Variants in AKR1D1 observed in about 807,000 individuals in gnomAD.
AKR1D1 encodes aldo-keto reductase family 1 member D1.
In AKR1D1, 32 loss-of-function variants were observed where a neutral mutation model predicts 42.6. The observed-to-expected ratio is 0.75, with a 90% confidence interval of 0.57 to 1.01. AKR1D1 has a LOEUF of 1.01. Ranked by LOEUF, AKR1D1 falls within the 50% of genes least tolerant of loss-of-function variation. The probability of loss-of-function intolerance (pLI) is 0.00; values close to 1 mark genes in which losing one functional copy is unlikely to be tolerated. For synonymous variants in AKR1D1, 123 were observed against 135.5 expected (o/e 0.91, Z 0.64); for missense variants, 364 against 402.2 (o/e 0.91, Z 0.81).
rs59361346 is a variant in AKR1D1 at position 138,100,088 on chromosome 7, C to CAAAAAAAAAAAAAAAAAAA, written c.456+2157_456+2175dup. 2.1e-4 allele frequency among the ~76,000 whole-genome samples: 9 copies of CAAAAAAAAAAAAAAAAAAA among 43,568 alleles called. 1 individual carries two copies. The highest frequency in any genetic ancestry group is 2.9e-4 in the African/African-American group (3 of 10,300). The allele number at this position is 43,568 out of a possible 152,430, so 28.6% of individuals were successfully genotyped here. A position where few individuals can be genotyped will look rare whatever the true frequency, so the allele number is the denominator to read the frequency against. ...TGGGCAATATAGCGAGATTTCATCT[C>CAAAAAAAAAAAAAAAAAAA]AAAAAAAAAAAAAAAAAAAAAAAAA... On this transcript the variant is annotated intron_variant, in intron 4 of 8. Transcript: ENST00000242375.
Position 138,098,593 on chromosome 7 carries a change from G to A in AKR1D1, c.456+650G>A, listed in dbSNP as rs140649052. On this transcript the variant is annotated intron_variant, in intron 4 of 8. Transcript: ENST00000242375. ...CCACTGCACTCCAGCCTGGGCGACA[G>A]AGCAAGATGCCGTCTCAAAAACAGG... Among the ~76,000 whole-genome samples, 672 of 152,296 alleles carry A rather than the reference G, an allele frequency of 4.4e-3. 5 individuals are homozygous for A. Among genetic ancestry groups the A allele is most frequent in the African/African-American group, 0.015 (616 of 41,570 alleles).
chr7:138,082,015 G>C (rs1803069498), intron 1 of AKR1D1, among the ~76,000 whole-genome samples: 1 of 152,206 alleles, frequency 6.6e-6, no homozygotes, highest in Non-Finnish European at 1.5e-5. Flanking sequence ...TGGTGACTAG[G>C]AGGCAATATG....
At position 138,107,592 on chromosome 7, in the gene AKR1D1, G is replaced by T. The variant is rs751069310; in HGVS notation, c.855+12G>T. On this transcript the variant is annotated intron_variant, in intron 7 of 8. Transcript: ENST00000242375. Reference sequence around the variant, plus strand: ...AAGAAAATTTTCAGGTAAGAGAATTGCTTTTGGAGATGTGAAAAGATGGGT... The same window carrying T: ...AAGAAAATTTTCAGGTAAGAGAATTTCTTTTGGAGATGTGAAAAGATGGGT... 4 of 1,612,962 alleles carry T rather than the reference G, an allele frequency of 2.5e-6. No homozygotes were observed. Among genetic ancestry groups the T allele is most frequent in the Non-Finnish European group, 3.4e-6 (4 of 1,179,822 alleles).
rs78329986 is a variant in AKR1D1, at chr7:138,103,328, C to G, written c.457-1979C>G. Among the ~76,000 whole-genome samples, 3 of 151,926 alleles carry G rather than the reference C, an allele frequency of 2.0e-5. No homozygotes were observed. In the Middle Eastern group the frequency reaches 0.01, roughly 517 times the overall value. ...ATCAAATAATAAAAGGAAAATGAAC[C>G]CATAATACGCTACAATTAAAGTTTA... On this transcript the variant is annotated intron_variant, in intron 4 of 8. Transcript: ENST00000242375.
At chr7:138,113,554 C>T (rs975269820) in intron 7 of AKR1D1, 136 bp from the exon 8 acceptor site, 6 of 736,074 alleles carry the variant, frequency 8.2e-6, no homozygotes, top group Admixed American at 2.0e-5. Context: ...CAGTGGGTAG[C>T]CCCCCAACAC....
Position 138,088,670 on chromosome 7 carries a change from G to A in AKR1D1, c.163G>A (p.Ala55Thr), listed in dbSNP as rs777304335. ...IDTGYRHIDG[A>T]YIYQNEHEVG... ...CACAGGGTACCGACATATTGATGGG[G>A]CCTACATCTACCAAAATGAACACGA... The change falls in exon 2 of 9, where the codon GCC becomes ACC. Residue 55 changes from alanine to threonine, a missense_variant. Ala to Thr is a moderately conservative substitution (Grantham distance 58). Transcript: ENST00000242375. The A allele has an allele frequency of 1.2e-6, 2 of 1,614,090 alleles. No homozygotes were observed. The highest frequency in any genetic ancestry group is 1.7e-6 in the Non-Finnish European group (2 of 1,180,012).
At chr7:138,107,642 G>C (rs1187867939) in intron 7 of AKR1D1, 62 bp downstream of exon 7, 1 of 1,572,390 alleles carries the variant, frequency 6.4e-7, no homozygotes, top group African/African-American at 1.4e-5. Context: ...TGCTTTTATA[G>C]AATGTGTTCA....
At chr7:138,085,279 A>G (rs1359284153) in intron 1 of AKR1D1, among the ~76,000 whole-genome samples, 1 of 152,002 alleles carries the variant, frequency 6.6e-6, no homozygotes, top group Non-Finnish European at 1.5e-5. Context: ...CTTTTAGAAG[A>G]GACTCCCTGG....
chr7:138,076,567 A>G lies in AKR1D1; in HGVS notation c.49A>G (p.Ser17Gly), dbSNP rs143960528. ...SHRIPLSDGN[S>G]IPIIGLGTYS... is the part of the protein sequence containing the mutation. ...CCGCATACCTCTAAGTGATGGAAAC[A>G]GCATTCCCATCATCGGACTTGGTAC... The change falls in exon 1 of 9, where the codon AGC becomes GGC. Residue 17 changes from serine to glycine, a missense_variant. Coordinates refer to ENST00000242375, the MANE Select transcript of AKR1D1 (RefSeq NM_005989.4). 159 of 1,613,674 alleles carry G rather than the reference A, an allele frequency of 9.9e-5. 1 individual carries two copies. In the African/African-American group the frequency reaches 2.0e-3, roughly 20 times the overall value.
At chr7:138,089,048 A>T (rs754702458) in intron 2 of AKR1D1, among the ~76,000 whole-genome samples, 7 of 152,028 alleles carry the variant, frequency 4.6e-5, no homozygotes, top group Non-Finnish European at 8.8e-5. Flanking sequence ...GGAGAGAAAG[A>T]GGGTTTTAAA....
At chr7:138,077,872 C>G (rs776051255) in intron 1 of AKR1D1, among the ~76,000 whole-genome samples, 1 of 152,154 alleles carries the variant, frequency 6.6e-6, no homozygotes, top group Non-Finnish European at 1.5e-5. Context: ...GTGCCTGGCA[C>G]AGGGAGTTAA....
At chr7:138,091,388 T>G (rs1794074308) in intron 2 of AKR1D1, 1 of 302,698 alleles carries the variant, frequency 3.3e-6, no homozygotes, top group Non-Finnish European at 6.4e-6. Context: ...TTAGGTCAAG[T>G]GTATGTGAGT....
chr7:138,091,835 A>C lies in AKR1D1; in HGVS notation c.329A>C (p.Gln110Pro), dbSNP rs1268021700. The C allele has an allele frequency of 5.0e-6, 8 of 1,614,032 alleles. No homozygotes were observed. The highest frequency in any genetic ancestry group is 5.9e-6 in the Non-Finnish European group (7 of 1,179,992). The change falls in exon 3 of 9, where the codon CAG (glutamine) becomes CCG (proline). Residue 110 changes from glutamine to proline, a missense_variant. Coordinates refer to ENST00000242375, the MANE Select transcript of AKR1D1 (RefSeq NM_005989.4). ...CTGGAGAGGACACTCAGGGTCCTCCAGCTAGATTATGTGGATCTTTACATC... is the reference window on the plus strand; with the variant it reads ...CTGGAGAGGACACTCAGGGTCCTCCCGCTAGATTATGTGGATCTTTACATC... ...PTLERTLRVL[Q>P]LDYVDLYIIE...
chr7:138,113,605 A>T, intron 7 of AKR1D1, 85 bp from the exon 8 acceptor site: 1 of 1,125,444 alleles, frequency 8.9e-7, no homozygotes, highest in South Asian at 1.3e-5. Flanking sequence ...ATATTCATAC[A>T]TCTTTGGAAG....
rs142399856 is a variant in AKR1D1 at position 138,110,858 on chromosome 7, A to T, written c.856-2832A>T. Among the ~76,000 whole-genome samples the T allele has an allele frequency of 2.9e-3, 434 of 152,096 alleles. 3 individuals carry two copies. The highest frequency in any genetic ancestry group is 8.2e-3 in the African/African-American group (341 of 41,486). Reference sequence around the variant, plus strand: ...AGGATATTTTAAAAGTTAAAATTTTAAAAAAAAGAAATTATACCAGGTGTG... The same window carrying T: ...AGGATATTTTAAAAGTTAAAATTTTTAAAAAAAGAAATTATACCAGGTGTG... On this transcript the variant is annotated intron_variant, in intron 7 of 8. Transcript: ENST00000242375.
At chr7:138,109,904 G>A (rs928670835) in intron 7 of AKR1D1, among the ~76,000 whole-genome samples, 1 of 152,052 alleles carries the variant, frequency 6.6e-6, no homozygotes, top group African/African-American at 2.4e-5. Context: ...CTAGCAAATC[G>A]CAATTTTGTA....
At chr7:138,085,054 CAAAAAAAAA>C (rs58253168) in intron 1 of AKR1D1, among the ~76,000 whole-genome samples, 2 of 70,824 alleles carry the variant, frequency 2.8e-5, no homozygotes, top group Non-Finnish European at 4.8e-5. Flanking sequence ...GACTCCGTCT[CAAAAAAAAA>C]AAAAAAAAAA....
chr7:138,096,110 T>G (rs1352143392), intron 3 of AKR1D1, among the ~76,000 whole-genome samples: 3 of 151,718 alleles, frequency 2.0e-5, no homozygotes, highest in Non-Finnish European at 4.4e-5. Context: ...GAGGTTGAGA[T>G]GGGAGGATCA....
At chr7:138,079,424 CTT>C (rs1334143048) in intron 1 of AKR1D1, among the ~76,000 whole-genome samples, 1 of 152,078 alleles carries the variant, frequency 6.6e-6, no homozygotes, top group East Asian at 1.9e-4. Context: ...TTATTTTCCT[CTT>C]TATTTCTACA....
Sources: gnomAD v4.1 joint callset for allele counts (sites outside exome capture counted in the v4.1 genomes callset) on GRCh38, gnomAD v4.1.1 for gene constraint, MANE v1.5 for transcripts, NCBI Gene and HGNC (gene_info 2026-07-23, HGNC 2026-07-21) for gene names.